The following JAZF1 variants were observed in gnomAD, a reference collection of about 807,000 sequenced individuals.
JAZF1 encodes the protein juxtaposed with another zinc finger protein 1.
In JAZF1, 8 loss-of-function variants were observed where a neutral mutation model predicts 26.4. That is an observed-to-expected ratio of 0.30 (90% confidence interval 0.18 to 0.55). The LOEUF (loss-of-function observed/expected upper bound fraction) is 0.55. Ranked by LOEUF, JAZF1 falls within the 20% of genes least tolerant of loss-of-function variation. The probability of loss-of-function intolerance (pLI) is 0.94; values close to 1 mark genes in which losing one functional copy is unlikely to be tolerated. For missense variants in JAZF1, 199 were observed against 322.0 expected, an observed-to-expected ratio of 0.62 and a Z score of 2.92; for synonymous variants, 126 against 122.3, an observed-to-expected ratio of 1.03 and a Z score of -0.20.
chr7:28,053,765 A>C (rs1169138148), intron 1 of JAZF1, among the ~76,000 whole-genome samples: 1 of 152,178 alleles, frequency 6.6e-6, no homozygotes, highest in African/African-American at 2.4e-5. Flanking sequence ...AGGAGTGGAA[A>C]GGTACGGAAA....
chr7:28,170,658 G>A (rs755981291), intron 1 of JAZF1, among the ~76,000 whole-genome samples: 5 of 151,902 alleles, frequency 3.3e-5, no homozygotes, highest in African/African-American at 7.3e-5. Flanking sequence ...CCAGACAACC[G>A]GCATCAAAAT....
intron 2 of JAZF1, among the ~76,000 whole-genome samples, chr7:27,928,853 T>C (rs557998145): frequency 1.3e-5 from 2 of 152,198 alleles, no homozygotes; most frequent in Admixed American, 6.5e-5. Flanking sequence ...GCTTAGTACC[T>C]GGACGATGAA....
intron 3 of JAZF1, among the ~76,000 whole-genome samples, chr7:27,880,494 G>A (rs1002844631): frequency 1.2e-4 from 18 of 151,946 alleles, no homozygotes; most frequent in Admixed American, 7.9e-4. Context: ...TTAGCCAGGC[G>A]CGGTGGCGGG....
chr7:27,996,617 G>C (rs1221871440), intron 1 of JAZF1, among the ~76,000 whole-genome samples: 1 of 152,206 alleles, frequency 6.6e-6, no homozygotes, highest in Non-Finnish European at 1.5e-5. Flanking sequence ...TGAAGCCACA[G>C]AGTTGTAGAC....
chr7:27,987,146 T>G (rs181564476), intron 2 of JAZF1, among the ~76,000 whole-genome samples: 34,862 of 148,278 alleles, frequency 0.24, 4,383 homozygotes, highest in East Asian at 0.49. Context: ...CCCCTCTGCC[T>G]GGCCGCCCAG....
chr7:28,178,302 C>T (rs1181770998), intron 1 of JAZF1, among the ~76,000 whole-genome samples: 1 of 151,982 alleles, frequency 6.6e-6, no homozygotes, highest in Non-Finnish European at 1.5e-5. Flanking sequence ...CCATCTCAAA[C>T]TAAATCCTCA....
At chr7:28,160,618 G>A (rs922322374) in intron 1 of JAZF1, among the ~76,000 whole-genome samples, 4 of 152,170 alleles carry the variant, frequency 2.6e-5, no homozygotes, top group Admixed American at 6.5e-5. Flanking sequence ...CATCCCAGGA[G>A]GCCATTCCTT....
At chr7:27,859,775 G>A (rs1783343325) in intron 3 of JAZF1, among the ~76,000 whole-genome samples, 1 of 152,276 alleles carries the variant, frequency 6.6e-6, no homozygotes, top group Non-Finnish European at 1.5e-5. Flanking sequence ...TGTAGATGAC[G>A]GGTTGATGGG....
intron 1 of JAZF1, among the ~76,000 whole-genome samples, chr7:28,028,585 C>T (rs1783131524): frequency 6.6e-6 from 1 of 152,220 alleles, no homozygotes; most frequent in Non-Finnish European, 1.5e-5. Context: ...AATGTAACAA[C>T]AATGCATCTG....
chr7:28,106,818 T>C (rs1001308212), intron 1 of JAZF1, among the ~76,000 whole-genome samples: 6 of 152,170 alleles, frequency 3.9e-5, no homozygotes, highest in Admixed American at 6.5e-5. Context: ...ACTATATATA[T>C]AAGCAAGAGA....
intron 1 of JAZF1, among the ~76,000 whole-genome samples, chr7:28,058,193 C>T (rs756662633): frequency 6.6e-5 from 10 of 152,146 alleles, no homozygotes; most frequent in Non-Finnish European, 1.3e-4. Flanking sequence ...AAGGACCAGT[C>T]AGAGTTTGTA....
At chr7:27,853,177 A>T (rs76514682) in intron 3 of JAZF1, among the ~76,000 whole-genome samples, 2,468 of 152,224 alleles carry the variant, frequency 0.016, 72 homozygotes, top group African/African-American at 0.057. Context: ...GGAAGATAAG[A>T]GTTTTGATCT....
chr7:27,985,372 G>C (rs1420972625), intron 2 of JAZF1, among the ~76,000 whole-genome samples: 2 of 152,112 alleles, frequency 1.3e-5, no homozygotes, highest in Non-Finnish European at 2.9e-5. Flanking sequence ...ATAAATTCCT[G>C]GACATATACA....
At chr7:28,166,728 G>A (rs1783373930) in intron 1 of JAZF1, among the ~76,000 whole-genome samples, 1 of 152,214 alleles carries the variant, frequency 6.6e-6, no homozygotes, top group South Asian at 2.1e-4. Context: ...CTTAAATCTG[G>A]ATAAACAATA....
intron 1 of JAZF1, among the ~76,000 whole-genome samples, chr7:28,148,399 A>G (rs1392339751): frequency 1.3e-5 from 2 of 152,168 alleles, no homozygotes; most frequent in African/African-American, 4.8e-5. Flanking sequence ...GCTACACACC[A>G]TAATTTTTTA....
chr7:27,951,647 T>A (rs1785009643), intron 2 of JAZF1, among the ~76,000 whole-genome samples: 1 of 152,218 alleles, frequency 6.6e-6, no homozygotes, highest in Admixed American at 6.5e-5. Context: ...ATTTAGGTCC[T>A]GATGTTGGTG....
intron 4 of JAZF1, among the ~76,000 whole-genome samples, chr7:27,833,393 C>T (rs1057170476): frequency 1.3e-5 from 2 of 152,166 alleles, no homozygotes; most frequent in African/African-American, 4.8e-5. Flanking sequence ...CAGGGCATAT[C>T]CCAAAAGTTT....
At chr7:28,024,744 T>C (rs1421531440) in intron 1 of JAZF1, among the ~76,000 whole-genome samples, 1 of 152,238 alleles carries the variant, frequency 6.6e-6, no homozygotes, top group African/African-American at 2.4e-5. Context: ...GGGCTCACTT[T>C]CTGTCATCTG....
At chr7:28,178,547 T>C (rs1440316548) in intron 1 of JAZF1, among the ~76,000 whole-genome samples, 1 of 152,182 alleles carries the variant, frequency 6.6e-6, no homozygotes, top group Non-Finnish European at 1.5e-5. Context: ...TGTATAGCAT[T>C]ATCTATATTT....
Sources: gnomAD v4.1 joint callset for allele counts (sites outside exome capture counted in the v4.1 genomes callset) on GRCh38, gnomAD v4.1.1 for gene constraint, MANE v1.5 for transcripts, NCBI Gene and HGNC (gene_info 2026-07-23, HGNC 2026-07-21) for gene names.